CWF19L2: variants seen among roughly 807,000 people sequenced by gnomAD.
The protein encoded by CWF19L2 is CWF19-like protein 2.
In CWF19L2, 98 loss-of-function variants were observed where a neutral mutation model predicts 111.7. That is an observed-to-expected ratio of 0.88 (90% CI 0.75 to 1.04). The LOEUF is 1.04. Among genes scored for constraint, CWF19L2 ranks in the 50% least tolerant of loss-of-function variants. CWF19L2 has a pLI of 0.00. For synonymous variants in CWF19L2, 351 were observed against 342.9 expected (o/e 1.02, Z -0.26); for missense variants, 1,101 against 1,051.4 (o/e 1.05, Z -0.65).
At chr11:107,457,575 T>C (rs557374070) in intron 1 of CWF19L2, 137 bp downstream of exon 1, 1 of 621,118 alleles carries the variant, frequency 1.6e-6, no homozygotes, top group African/African-American at 1.9e-5. Context: ...TTTACCGGCA[T>C]TGCAAAGGGA....
intron 12 of CWF19L2, among the ~76,000 whole-genome samples, chr11:107,367,824 T>C (rs1054004582): frequency 7.4e-6 from 1 of 134,314 alleles, no homozygotes; most frequent in Non-Finnish European, 1.6e-5. Context: ...ACTTAAAGTA[T>C]AAAACAAAAA....
Position 107,441,637 on chromosome 11 carries a change from GAC to G in CWF19L2, c.451-17_451-16del. ...CACTCATCCCTCTGTTAAAAAAAAA[GAC>G]ATAAAATCAACAGTCATCCACTCAT... On this transcript the variant is annotated splice_polypyrimidine_tract_variant and intron_variant, in intron 4 of 17. Transcript: ENST00000282251. 6.6e-7 allele frequency: 1 copy of G among 1,504,090 alleles called. No individual in the cohort carries two copies. Among genetic ancestry groups the G allele is most frequent in the Non-Finnish European group, 8.8e-7 (1 of 1,130,632 alleles). 93.2% of individuals were successfully genotyped at this position (1,504,090 alleles called of 1,614,324 possible).
intron 12 of CWF19L2, among the ~76,000 whole-genome samples, chr11:107,379,250 A>T (rs771095811): frequency 6.6e-6 from 1 of 152,266 alleles, no homozygotes; most frequent in Admixed American, 6.5e-5. Flanking sequence ...TTGTGTTCTC[A>T]AATGAGGCAA....
intron 10 of CWF19L2, among the ~76,000 whole-genome samples, chr11:107,414,236 T>C (rs1029739826): frequency 3.3e-5 from 5 of 152,050 alleles, no homozygotes; most frequent in African/African-American, 1.2e-4. Flanking sequence ...CTCTGTCATC[T>C]AGGCTGGAGT....
chr11:107,446,929 G>A (rs983986338), intron 3 of CWF19L2, among the ~76,000 whole-genome samples: 4 of 151,892 alleles, frequency 2.6e-5, no homozygotes, highest in East Asian at 1.9e-4. Context: ...AGCTTAATAC[G>A]CCTCCTGACC....
intron 8 of CWF19L2, among the ~76,000 whole-genome samples, chr11:107,420,942 A>G (rs1339539577): frequency 6.6e-6 from 1 of 151,616 alleles, no homozygotes; most frequent in East Asian, 1.9e-4. Flanking sequence ...ATCAACTAAC[A>G]TGCCCAAATG....
At chr11:107,342,355 T>C (rs1268672485) in intron 14 of CWF19L2, among the ~76,000 whole-genome samples, 1 of 152,140 alleles carries the variant, frequency 6.6e-6, no homozygotes, top group Non-Finnish European at 1.5e-5. Flanking sequence ...AATTTCATTG[T>C]AATTCAATTA....
intron 3 of CWF19L2, among the ~76,000 whole-genome samples, chr11:107,448,187 TACAA>T (rs940692271): frequency 6.6e-6 from 1 of 151,302 alleles, no homozygotes; most frequent in Non-Finnish European, 1.5e-5. Context: ...CCACTAAAAA[TACAA>T]ACAATTAGCT....
intron 6 of CWF19L2, among the ~76,000 whole-genome samples, chr11:107,434,171 A>G (rs1861508164): frequency 6.6e-6 from 1 of 151,902 alleles, no homozygotes; most frequent in South Asian, 2.1e-4. Flanking sequence ...GGTAGGGAGG[A>G]CATTCCAAGA....
chr11:107,436,468 T>C (rs2135416446), intron 6 of CWF19L2, among the ~76,000 whole-genome samples: 1 of 152,300 alleles, frequency 6.6e-6, no homozygotes, highest in African/African-American at 2.4e-5. Flanking sequence ...ATAAAAATAG[T>C]GATAAACTAT....
chr11:107,347,956 C>T (rs1860105269), intron 14 of CWF19L2, among the ~76,000 whole-genome samples: 1 of 152,024 alleles, frequency 6.6e-6, no homozygotes, highest in Non-Finnish European at 1.5e-5. Context: ...TAAAATAATT[C>T]TAAGAACTGA....
chr11:107,439,395 G>A (rs1191938978), intron 5 of CWF19L2, among the ~76,000 whole-genome samples: 1 of 152,174 alleles, frequency 6.6e-6, no homozygotes, highest in Non-Finnish European at 1.5e-5. Context: ...TCTTAAAACT[G>A]TGCTAGTTGC....
At chr11:107,440,798 C>G (rs537568354) in intron 5 of CWF19L2, among the ~76,000 whole-genome samples, 1 of 151,886 alleles carries the variant, frequency 6.6e-6, no homozygotes, top group South Asian at 2.1e-4. Context: ...TCTGAATGAC[C>G]AAAAAACATG....
At position 107,326,663 on chromosome 11, in the gene CWF19L2, G is replaced by C. The variant is rs1169774618; in HGVS notation, c.*247C>G. On this transcript the variant is annotated 3_prime_UTR_variant, in exon 18 of 18. Coordinates refer to ENST00000282251, the MANE Select transcript of CWF19L2 (RefSeq NM_152434.3). ...TTCGGAATACCAAGAAGTAGGTAGA[G>C]AGCAGGAATGTGAGCAGATCATCGA... 2 of 346,612 alleles carry C rather than the reference G, an allele frequency of 5.8e-6. No homozygotes were observed. Among genetic ancestry groups the C allele is most frequent in the African/African-American group, 2.1e-5 (1 of 47,378 alleles). 21.5% of individuals were successfully genotyped at this position (346,612 alleles called of 1,614,324 possible).
intron 3 of CWF19L2, among the ~76,000 whole-genome samples, chr11:107,448,637 C>A (rs563578031): frequency 2.2e-4 from 34 of 152,218 alleles, no homozygotes; most frequent in African/African-American, 8.2e-4. Context: ...TTGTGTCCCC[C>A]ACCAAATTCT....
chr11:107,427,064 A>C (rs644954), intron 8 of CWF19L2, among the ~76,000 whole-genome samples: 26,183 of 152,038 alleles, frequency 0.17, 2,434 homozygotes, highest in Middle Eastern at 0.27. Context: ...AGAAAGGTAA[A>C]GATATATGAA....
intron 8 of CWF19L2, among the ~76,000 whole-genome samples, chr11:107,419,792 G>A (rs892040688): frequency 5.3e-5 from 8 of 152,136 alleles, no homozygotes; most frequent in African/African-American, 1.4e-4. Context: ...TCAGAGGGCT[G>A]TGGGACAACC....
chr11:107,444,163 G>C (rs1390526750), intron 3 of CWF19L2, among the ~76,000 whole-genome samples: 1 of 151,182 alleles, frequency 6.6e-6, no homozygotes, highest in East Asian at 1.9e-4. Context: ...CCTCTAGCAG[G>C]AATTAATCTT....
chr11:107,329,852 T>C, intron 17 of CWF19L2, 66 bp downstream of exon 17: 1 of 1,292,592 alleles, frequency 7.7e-7, no homozygotes, highest in Non-Finnish European at 1.1e-6. Context: ...AAGTTTTTAT[T>C]TCCTTTCAAA....
Sources: gnomAD v4.1 joint callset for allele counts (sites outside exome capture counted in the v4.1 genomes callset) on GRCh38, gnomAD v4.1.1 for gene constraint, MANE v1.5 for transcripts, NCBI Gene and HGNC (gene_info 2026-07-23, HGNC 2026-07-21) for gene names.